The following SLC4A4 variants were observed in gnomAD, a reference collection of about 807,000 sequenced individuals.
SLC4A4 encodes the protein electrogenic sodium bicarbonate cotransporter 1.
SLC4A4 carries 27 observed loss-of-function variants against 111.5 expected under a neutral mutation model. That is an observed-to-expected ratio of 0.24 (90% CI 0.18 to 0.33). The LOEUF (loss-of-function observed/expected upper bound fraction) is 0.33. SLC4A4 is among the 10% of genes least tolerant of loss of function. SLC4A4 has a pLI of 1.00. For synonymous variants in SLC4A4, 443 were observed against 463.4 expected (o/e 0.96, Z 0.57); for missense variants, 909 against 1,315.5 (o/e 0.69, Z 4.78).
chr4:71,100,665 T>C (rs971839484), intron 2 of SLC4A4, among the ~76,000 whole-genome samples: 14 of 152,216 alleles, frequency 9.2e-5, no homozygotes, highest in African/African-American at 3.4e-4. Flanking sequence ...CTGTCCCTGT[T>C]TGCAGATGGC....
At chr4:71,443,735 CTG>C (rs1724984236) in intron 8 of SLC4A4, among the ~76,000 whole-genome samples, 3 of 152,118 alleles carry the variant, frequency 2.0e-5, no homozygotes. Context: ...AAGCTCCAGA[CTG>C]TTAAAAATTT....
chr4:71,464,698 A>G (rs955683618), intron 12 of SLC4A4, among the ~76,000 whole-genome samples: 10 of 152,060 alleles, frequency 6.6e-5, no homozygotes, highest in African/African-American at 2.4e-4. Flanking sequence ...TCCCAACTAC[A>G]TTATTATCTA....
At chr4:71,307,828 C>A (rs1210622203) in intron 3 of SLC4A4, among the ~76,000 whole-genome samples, 2 of 152,044 alleles carry the variant, frequency 1.3e-5, no homozygotes, top group South Asian at 4.1e-4. Context: ...CAATAAAAAC[C>A]AAAGTGTCAA....
At chr4:71,431,737 GT>G (rs1257921948) in intron 7 of SLC4A4, among the ~76,000 whole-genome samples, 1 of 152,076 alleles carries the variant, frequency 6.6e-6, no homozygotes, top group African/African-American at 2.4e-5. Context: ...ATTTTTTAGT[GT>G]GGGTATAGTG....
chr4:71,529,006 T>G (rs1014066814), intron 16 of SLC4A4, among the ~76,000 whole-genome samples: 1 of 152,190 alleles, frequency 6.6e-6, no homozygotes, highest in East Asian at 1.9e-4. Context: ...ACAAAAAATA[T>G]ATTTCAAAGA....
At chr4:71,556,616 G>A (rs1262762532) in intron 21 of SLC4A4, among the ~76,000 whole-genome samples, 7 of 151,820 alleles carry the variant, frequency 4.6e-5, no homozygotes, top group Admixed American at 4.6e-4. Context: ...TGCCCCTAAT[G>A]GCTTTTCTCT....
At chr4:71,175,576 C>G (rs1034780317) in intron 2 of SLC4A4, among the ~76,000 whole-genome samples, 2 of 152,198 alleles carry the variant, frequency 1.3e-5, no homozygotes, top group Non-Finnish European at 2.9e-5. Context: ...GAGCCTCGCT[C>G]ATTGCTAGCA....
intron 22 of SLC4A4, among the ~76,000 whole-genome samples, chr4:71,559,656 T>G (rs2149251997): frequency 6.6e-6 from 1 of 152,000 alleles, no homozygotes; most frequent in South Asian, 2.1e-4. Flanking sequence ...TGAAGATGTC[T>G]TAGTGTTATA....
At chr4:71,193,039 CAT>C (rs1445515493) in intron 1 of SLC4A4, among the ~76,000 whole-genome samples, 1 of 152,212 alleles carries the variant, frequency 6.6e-6, no homozygotes, top group Non-Finnish European at 1.5e-5. Context: ...CTCATTGCTA[CAT>C]AGTGTTCCAC....
chr4:71,257,530 A>G (rs1721541440), intron 3 of SLC4A4, among the ~76,000 whole-genome samples: 1 of 152,188 alleles, frequency 6.6e-6, no homozygotes, highest in African/African-American at 2.4e-5. Flanking sequence ...TAGATATAGA[A>G]AGACATTTAA....
chr4:71,208,086 G>T (rs766197713), intron 1 of SLC4A4, among the ~76,000 whole-genome samples: 18 of 152,272 alleles, frequency 1.2e-4, no homozygotes, highest in Non-Finnish European at 2.4e-4. Context: ...TGGGATTACA[G>T]ATCTGAGCCA....
chr4:71,123,894 G>C (rs1020235637), intron 2 of SLC4A4, among the ~76,000 whole-genome samples: 2 of 152,214 alleles, frequency 1.3e-5, no homozygotes, highest in Non-Finnish European at 2.9e-5. Flanking sequence ...AATTGGGACA[G>C]ATTTAAGATA....
chr4:71,301,150 G>A (rs1725222376), intron 3 of SLC4A4: 1 of 333,040 alleles, frequency 3.0e-6, no homozygotes, highest in Non-Finnish European at 5.9e-6. Flanking sequence ...CACCACACGT[G>A]GCAGTAGATA....
At chr4:71,321,361 A>G (rs1408698955) in intron 3 of SLC4A4, among the ~76,000 whole-genome samples, 2 of 151,884 alleles carry the variant, frequency 1.3e-5, no homozygotes, top group Admixed American at 1.3e-4. Flanking sequence ...AAGCATCAAC[A>G]TTTACTTGTG....
chr4:71,183,261 T>C (rs1053621715), upstream of SLC4A4, among the ~76,000 whole-genome samples: 1 of 152,202 alleles, frequency 6.6e-6, no homozygotes, highest in South Asian at 2.1e-4. Context: ...TTTAGGCATG[T>C]GTTTTAAAAA....
chr4:71,478,822 G>A (rs1467189624), intron 14 of SLC4A4, among the ~76,000 whole-genome samples: 1 of 151,746 alleles, frequency 6.6e-6, no homozygotes, highest in African/African-American at 2.4e-5. Context: ...ATTATAAAAT[G>A]TATTGTTTTT....
At chr4:71,082,638 C>A (rs1370504204) in intron 1 of SLC4A4, among the ~76,000 whole-genome samples, 3 of 151,982 alleles carry the variant, frequency 2.0e-5, no homozygotes, top group Admixed American at 6.6e-5. Context: ...ATTAATATAA[C>A]AATACCATGT....
chr4:71,097,706 A>G (rs569062037), intron 2 of SLC4A4, among the ~76,000 whole-genome samples: 7 of 152,204 alleles, frequency 4.6e-5, no homozygotes, highest in African/African-American at 1.7e-4. Flanking sequence ...TGACTTTTTA[A>G]TAATAACCAT....
chr4:71,322,568 C>G (rs1337879710), intron 3 of SLC4A4, among the ~76,000 whole-genome samples: 1 of 151,892 alleles, frequency 6.6e-6, no homozygotes, highest in Admixed American at 6.6e-5. Flanking sequence ...ACTTTAGAAA[C>G]CTCGGGGTAT....
Sources: allele counts gnomAD v4.1 joint callset (sites outside exome capture counted in the v4.1 genomes callset), GRCh38; gene constraint gnomAD v4.1.1; transcripts MANE v1.5; gene names NCBI Gene and HGNC (gene_info 2026-07-23, HGNC 2026-07-21).